The following CSNK1G1 variants were observed in gnomAD, a reference collection of about 807,000 sequenced individuals.
The protein encoded by CSNK1G1 is casein kinase I isoform gamma-1.
Under a neutral mutation model 59.6 loss-of-function variants are expected in CSNK1G1, and 22 were observed. The ratio of observed to expected loss-of-function variants is 0.37; its 90% CI spans 0.26 to 0.53. The LOEUF (loss-of-function observed/expected upper bound fraction) is 0.53, where lower values mean the gene tolerates loss of function less well. CSNK1G1 is among the 20% of genes least tolerant of loss of function. The pLI is 0.89. For synonymous variants in CSNK1G1, 179 were observed against 177.1 expected (o/e 1.01, Z -0.08); for missense variants, 384 against 519.5 (o/e 0.74, Z 2.54).
intron 7 of CSNK1G1, among the ~76,000 whole-genome samples, chr15:64,206,369 G>T (rs2082180431): frequency 6.6e-6 from 1 of 152,014 alleles, no homozygotes; most frequent in Non-Finnish European, 1.5e-5. Context: ...GAACCCAGGA[G>T]GCGGAGGTTG....
At position 64,204,695 on chromosome 15, in the gene CSNK1G1, C is replaced by T; in HGVS notation, c.851-106G>A. 9.3e-6 allele frequency: 12 copies of T among 1,289,104 alleles called. 1 individual carries two copies. Among genetic ancestry groups the T allele is most frequent in the Non-Finnish European group, 2.2e-6 (2 of 907,908 alleles). 79.9% of individuals were successfully genotyped at this position (1,289,104 alleles called of 1,614,324 possible). ...GGGGTTATTTATACAGACAATTTGA[C>T]ACTGATGTTTTCTTTACTGACAAAA... On this transcript the variant is annotated intron_variant, in intron 8 of 11. Transcript: ENST00000303052.
intron 10 of CSNK1G1, among the ~76,000 whole-genome samples, chr15:64,196,044 G>A (rs2082034686): frequency 6.6e-6 from 1 of 152,070 alleles, no homozygotes; most frequent in Admixed American, 6.5e-5. Context: ...AGGAGGCCCT[G>A]TCTCTACAAA....
chr15:64,264,295 G>T (rs1892864048), intron 2 of CSNK1G1, among the ~76,000 whole-genome samples: 1 of 152,044 alleles, frequency 6.6e-6, no homozygotes, highest in African/African-American at 2.4e-5. Context: ...ATAGTTCCTG[G>T]AAACATACAT....
chr15:64,251,111 A>C (rs776572278), intron 4 of CSNK1G1, among the ~76,000 whole-genome samples: 2 of 152,234 alleles, frequency 1.3e-5, no homozygotes, highest in Non-Finnish European at 2.9e-5. Context: ...AATATTTCAG[A>C]ATGTATATTT....
rs2082239771 is a variant in CSNK1G1 at position 64,210,762 on chromosome 15, C to T, written c.679+3128G>A. On this transcript the variant is annotated intron_variant, in intron 6 of 11. Coordinates refer to ENST00000303052, the MANE Select transcript of CSNK1G1 (RefSeq NM_022048.5). The surrounding 1 kb of genome is among the most constrained non-coding windows in gnomAD (Gnocchi z 4.2). ...ACTATGGTCTGGATTTCTGTCCTTC[C>T]CCCGGACCCCCCAACACACACAAAC... Among the ~76,000 whole-genome samples, 1 of 152,116 alleles carries T rather than the reference C, an allele frequency of 6.6e-6. No individual in the cohort carries two copies. The highest frequency in any genetic ancestry group is 1.5e-5 in the Non-Finnish European group (1 of 68,006).
intron 4 of CSNK1G1, among the ~76,000 whole-genome samples, chr15:64,235,869 G>A (rs887182216): frequency 4.6e-5 from 7 of 152,064 alleles, no homozygotes; most frequent in Non-Finnish European, 1.0e-4. Context: ...TACACTAGAC[G>A]GTTAAGGGAA....
chr15:64,222,556 G>A (rs1269006879), intron 4 of CSNK1G1, among the ~76,000 whole-genome samples: 1 of 149,072 alleles, frequency 6.7e-6, no homozygotes, highest in Non-Finnish European at 1.5e-5. Flanking sequence ...TAAAGCCACA[G>A]AACTATGAAT....
At chr15:64,181,485 C>T (rs2081812733) in intron 10 of CSNK1G1, 2 of 1,427,628 alleles carry the variant, frequency 1.4e-6, no homozygotes, top group Admixed American at 5.3e-5. Context: ...ATCATATGCC[C>T]TTGGATAAGT....
At chr15:64,255,212 G>C (rs1268214722) in intron 3 of CSNK1G1, among the ~76,000 whole-genome samples, 1 of 152,170 alleles carries the variant, frequency 6.6e-6, no homozygotes, top group Non-Finnish European at 1.5e-5. Context: ...AAGTAGCTGA[G>C]ACTACAGATG....
At chr15:64,172,794 A>C (rs182882103) in intron 11 of CSNK1G1, among the ~76,000 whole-genome samples, 3 of 152,302 alleles carry the variant, frequency 2.0e-5, no homozygotes, top group Admixed American at 6.5e-5. Context: ...TGGCTCCTTT[A>C]TGAGTCCTCC....
At chr15:64,354,180 C>G (rs1471354430) in intron 1 of CSNK1G1, among the ~76,000 whole-genome samples, 2 of 152,112 alleles carry the variant, frequency 1.3e-5, no homozygotes, top group African/African-American at 2.4e-5. Context: ...TGGCAGGCGC[C>G]TGTGATCCCA....
chr15:64,327,018 G>A (rs1245120511), intron 1 of CSNK1G1, among the ~76,000 whole-genome samples: 7 of 151,056 alleles, frequency 4.6e-5, no homozygotes, highest in Admixed American at 4.0e-4. Context: ...GGCTCGGAGG[G>A]TCCTACGCCC....
chr15:64,226,515 C>T (rs1418980958), intron 4 of CSNK1G1, among the ~76,000 whole-genome samples: 1 of 151,674 alleles, frequency 6.6e-6, no homozygotes, highest in Non-Finnish European at 1.5e-5. Flanking sequence ...AAGATCGCAA[C>T]ACTGTACTCC....
rs558737596 is a variant in CSNK1G1 at position 64,229,559 on chromosome 15, C to A, written c.293-12846G>T. On this transcript the variant is annotated intron_variant, in intron 4 of 11. Coordinates refer to ENST00000303052, the MANE Select transcript of CSNK1G1 (RefSeq NM_022048.5). ...CTCTCTCTCTCTCTCTCTCCCTGAT[C>A]GCTAAACTGAAAGCAGCTCAGCCTG... 5.3e-5 allele frequency among the ~76,000 whole-genome samples: 8 copies of A among 151,378 alleles called. No individual in the cohort carries two copies. In the East Asian group the frequency reaches 1.4e-3, roughly 26 times the overall value.
chr15:64,351,538 G>C (rs547564327), intron 1 of CSNK1G1, among the ~76,000 whole-genome samples: 70 of 152,288 alleles, frequency 4.6e-4, no homozygotes, highest in Middle Eastern at 3.4e-3. Flanking sequence ...AATTAAGATA[G>C]AATTTTTTAC....
chr15:64,188,167 TAG>T lies in CSNK1G1; in HGVS notation c.1108-7715_1108-7714del, dbSNP rs1419908055. ...CCAGAAATCAGTATCAGAAATCATA[TAG>T]ATGTTTCTTAGTCAATGACAACAGG... On this transcript the variant is annotated intron_variant, in intron 10 of 11. Transcript: ENST00000303052. The surrounding 1 kb of genome is among the most constrained non-coding windows in gnomAD (Gnocchi z 4.2). 6.6e-6 allele frequency among the ~76,000 whole-genome samples: 1 copy of T among 152,242 alleles called. No homozygotes were observed. The highest frequency in any genetic ancestry group is 2.4e-5 in the African/African-American group (1 of 41,456).
In CSNK1G1 at chr15:64,259,354, T is replaced by A. The variant is rs754897225; in HGVS notation, c.182-113A>T. On this transcript the variant is annotated intron_variant, in intron 2 of 11. Coordinates refer to ENST00000303052, the MANE Select transcript of CSNK1G1 (RefSeq NM_022048.5). ...GGTTATATTCCCAATGCTGTTCACATAAATGAAACTTGATTTATAAGCGAA... is the reference window on the plus strand; with the variant it reads ...GGTTATATTCCCAATGCTGTTCACAAAAATGAAACTTGATTTATAAGCGAA... 4.5e-5 allele frequency: 30 copies of A among 666,112 alleles called. No individual in the cohort carries two copies. The South Asian group carries it at 6.3e-4, about 14-fold the overall frequency. 41.3% of individuals were successfully genotyped at this position (666,112 alleles called of 1,614,324 possible). A position where few individuals can be genotyped will look rare whatever the true frequency, so the allele number is the denominator to read the frequency against.
chr15:64,276,673 C>T (rs1381559247), intron 2 of CSNK1G1, among the ~76,000 whole-genome samples: 7 of 152,022 alleles, frequency 4.6e-5, no homozygotes, highest in Admixed American at 4.6e-4. Flanking sequence ...AGGCTGGGCA[C>T]GGTGGCTCAC....
intron 1 of CSNK1G1, among the ~76,000 whole-genome samples, chr15:64,352,447 C>CTTCTTTTTTTTTT (rs1566958699): frequency 1.1e-5 from 1 of 89,412 alleles, no homozygotes; most frequent in Non-Finnish European, 2.0e-5. Flanking sequence ...TTGAATTCTT[C>CTTCTTTTTTTTTT]TTTTTTTTTT....
Sources: allele counts gnomAD v4.1 joint callset (sites outside exome capture counted in the v4.1 genomes callset), GRCh38; gene constraint gnomAD v4.1.1; non-coding constraint Gnocchi (gnomAD v3.1); transcripts MANE v1.5; gene names NCBI Gene and HGNC (gene_info 2026-07-23, HGNC 2026-07-21).